The following KALRN variants were observed in gnomAD, a reference collection of about 807,000 sequenced individuals.
KALRN encodes the protein kalirin.
Under a neutral mutation model 353.7 loss-of-function variants are expected in KALRN, and 70 were observed. The ratio of observed to expected loss-of-function variants is 0.20; its 90% CI spans 0.16 to 0.24. The LOEUF is 0.24. Among genes scored for constraint, KALRN ranks in the 10% least tolerant of loss-of-function variants. KALRN has a pLI of 1.00. For synonymous variants in KALRN, 1,391 were observed against 1,434.8 expected, an observed-to-expected ratio of 0.97 and a Z score of 0.69; for missense variants, 2,791 against 3,756.7, an observed-to-expected ratio of 0.74 and a Z score of 6.72.
At position 124,070,616 on chromosome 3, in the gene KALRN, C is replaced by G. The variant is rs115006583; in HGVS notation, c.73+36803C>G. Among the ~76,000 whole-genome samples the G allele has an allele frequency of 2.2e-3, 331 of 152,328 alleles. 1 individual carries two copies. Among genetic ancestry groups the G allele is most frequent in the African/African-American group, 7.8e-3 (324 of 41,576 alleles). On this transcript the variant is annotated intron_variant, in intron 1 of 59. Transcript: ENST00000682506. ...TACTGTTTCACATGTTAGGTGTTTG[C>G]TACCCAGCTAGACAGACCGTTAAGC...
chr3:124,356,361 TTCTC>T (rs2083416546), intron 10 of KALRN, among the ~76,000 whole-genome samples: 2 of 150,642 alleles, frequency 1.3e-5, no homozygotes, highest in Admixed American at 6.6e-5. Context: ...GAGACAGAGT[TTCTC>T]TCTTGTCACC....
intron 34 of KALRN, among the ~76,000 whole-genome samples, chr3:124,573,150 C>T (rs1178330022): frequency 6.6e-6 from 1 of 152,158 alleles, no homozygotes; most frequent in Non-Finnish European, 1.5e-5. Flanking sequence ...GATCATACAC[C>T]TGTGGTCCTA....
At chr3:124,518,585 C>CAGCCTTTT in intron 33 of KALRN, 1 of 1,592,634 alleles carries the variant, frequency 6.3e-7, no homozygotes. Flanking sequence ...GTGTGGGGTG[C>CAGCCTTTT]AGCCTTTGCT....
chr3:124,486,177 T>C (rs2062550554), intron 28 of KALRN, among the ~76,000 whole-genome samples: 1 of 152,186 alleles, frequency 6.6e-6, no homozygotes, highest in South Asian at 2.1e-4. Context: ...CTCCTTATCA[T>C]AAAGTATAGC....
At position 124,331,806 on chromosome 3, in the gene KALRN, C is replaced by T. The variant is rs533044705; in HGVS notation, c.1416+1814C>T. On this transcript the variant is annotated intron_variant, in intron 8 of 59. Coordinates refer to ENST00000682506, the MANE Select transcript of KALRN (RefSeq NM_001388419.1). The stretch of plus-strand genomic sequence containing the variant: ...CTCTCAATTAATTATCAGGCCCTAG[C>T]GTTGTGAGGCTTAAACCTTCCCTCC... 3.9e-5 allele frequency among the ~76,000 whole-genome samples: 6 copies of T among 152,230 alleles called. No homozygotes were observed. The East Asian group carries it at 5.8e-4, about 15-fold the overall frequency.
intron 1 of KALRN, among the ~76,000 whole-genome samples, chr3:124,204,132 T>A (rs2076201540): frequency 6.6e-6 from 1 of 152,186 alleles, no homozygotes; most frequent in African/African-American, 2.4e-5. Flanking sequence ...TCTAAGTATT[T>A]TTCTGTTCTC....
chr3:124,213,855 G>T (rs890819308), intron 1 of KALRN, among the ~76,000 whole-genome samples: 1 of 152,136 alleles, frequency 6.6e-6, no homozygotes, highest in Admixed American at 6.5e-5. Context: ...GGATCACATT[G>T]CAGAGTGAAC....
intron 10 of KALRN, among the ~76,000 whole-genome samples, chr3:124,360,080 G>A (rs772856028): frequency 7.9e-5 from 12 of 152,238 alleles, no homozygotes; most frequent in Non-Finnish European, 1.5e-4. Context: ...CAGCAGCTGG[G>A]CATCCAGGAG....
In KALRN at chr3:124,679,472, C is replaced by T. The variant is rs373815221; in HGVS notation, c.7332C>T (p.Ser2444=). 1.3e-5 allele frequency: 21 copies of T among 1,613,848 alleles called. No homozygotes were observed. The highest frequency in any genetic ancestry group is 1.6e-4 in the Middle Eastern group (1 of 6,084). The change falls in exon 51 of 60, where the codon TCC becomes TCT. Residue 2444 remains serine, a synonymous_variant. Transcript: ENST00000682506. ...NKVSVKETNS[S]EESECDDLDP... ...TGCCAATCAAGGAGACGAACAGTTC[C>T]GAGGAATCAGAGTGTGATGATCTTG...
intron 1 of KALRN, among the ~76,000 whole-genome samples, chr3:124,183,594 G>A (rs2073880592): frequency 6.6e-6 from 1 of 152,128 alleles, no homozygotes; most frequent in African/African-American, 2.4e-5. Flanking sequence ...CAGACACCAT[G>A]GGACACAGAG....
intron 25 of KALRN, among the ~76,000 whole-genome samples, chr3:124,463,222 CA>C (rs1394572018): frequency 2.6e-4 from 40 of 152,246 alleles, no homozygotes; most frequent in African/African-American, 9.4e-4. Flanking sequence ...AACAAAGGAT[CA>C]GCAAAAAAAT....
At chr3:124,167,726 C>G (rs1292109224) in intron 1 of KALRN, among the ~76,000 whole-genome samples, 1 of 152,154 alleles carries the variant, frequency 6.6e-6, no homozygotes, top group African/African-American at 2.4e-5. Context: ...GGTTGGGATG[C>G]CATAGAGTGT....
At chr3:124,685,539 G>A (rs554225234) in intron 51 of KALRN, among the ~76,000 whole-genome samples, 40 of 152,294 alleles carry the variant, frequency 2.6e-4, no homozygotes, top group African/African-American at 7.9e-4. Flanking sequence ...AAGTCTACTC[G>A]TATGGCTCAA....
rs770918810 is a variant in KALRN, at chr3:124,395,324, G to A, written c.2152G>A (p.Gly718Arg). 2.0e-5 allele frequency: 33 copies of A among 1,612,690 alleles called. No individual in the cohort carries two copies. The highest frequency in any genetic ancestry group is 3.3e-5 in the South Asian group (3 of 90,750). ...GCTCAGGTCAGCGCCTCCCTCCCTCGGGGAGCCCAGCGAGGCCAGGTCAGC... is the reference window on the plus strand; with the variant it reads ...GCTCAGGTCAGCGCCTCCCTCCCTCAGGGAGCCCAGCGAGGCCAGGTCAGC... ...QQLRSAPPSL[G>R]EPSEARDSAV... Residue 718 changes from glycine to arginine, a missense_variant, in exon 12 of 60, where the codon GGG becomes AGG. Physicochemically the swap from Gly to Arg is moderately radical, Grantham distance 125. Around this residue, in one of 11 missense-constraint regions of KALRN, gnomAD observed 452 missense variants for 575.8 expected, o/e 0.78. Transcript: ENST00000682506.
intron 33 of KALRN, among the ~76,000 whole-genome samples, chr3:124,544,045 C>T (rs911506419): frequency 1.3e-5 from 2 of 152,090 alleles, no homozygotes. Context: ...ATATAAATAA[C>T]ATGGAAGCTT....
chr3:124,582,993 G>A (rs73191618), intron 34 of KALRN, among the ~76,000 whole-genome samples: 14,358 of 152,110 alleles, frequency 0.094, 729 homozygotes, highest in Non-Finnish European at 0.12. Flanking sequence ...TCCCTGCATC[G>A]TTCAGGCTGG....
chr3:124,305,137 G>C (rs749435229), intron 6 of KALRN, among the ~76,000 whole-genome samples: 5 of 152,190 alleles, frequency 3.3e-5, no homozygotes, highest in Non-Finnish European at 7.3e-5. Flanking sequence ...GCAGCTCAGA[G>C]ATTTTGCTTG....
intron 34 of KALRN, among the ~76,000 whole-genome samples, chr3:124,580,200 A>G (rs13062340): frequency 0.25 from 37,788 of 152,026 alleles, 4,834 homozygotes; most frequent in East Asian, 0.33. Flanking sequence ...CTGTGTTTTA[A>G]CACACCCTCC....
intron 4 of KALRN, chr3:124,268,501 T>C (rs542549823): frequency 1.8e-6 from 1 of 540,652 alleles, no homozygotes; most frequent in African/African-American, 1.9e-5. Context: ...GCAGTTCTTC[T>C]GGGGTGGTAA....
Sources: gnomAD v4.1 joint callset for allele counts (sites outside exome capture counted in the v4.1 genomes callset) on GRCh38, gnomAD v4.1.1 for gene constraint, gnomAD v4.1.1 regional missense constraint, MANE v1.5 for transcripts, NCBI Gene and HGNC (gene_info 2026-07-23, HGNC 2026-07-21) for gene names.